ATR: variants seen among roughly 807,000 people sequenced by gnomAD.
ATR encodes serine/threonine-protein kinase ATR.
A neutral mutation model predicts 305.3 loss-of-function variants in ATR; 142 were observed. The ratio of observed to expected loss-of-function variants is 0.47; its 90% CI spans 0.41 to 0.53. The LOEUF is 0.53. ATR is among the 20% of genes least tolerant of loss of function. The probability of loss-of-function intolerance (pLI) is 0.00; values close to 1 mark genes in which losing one functional copy is unlikely to be tolerated. For missense variants in ATR, 2,135 were observed against 3,133.1 expected, an observed-to-expected ratio of 0.68 and a Z score of 7.60; for synonymous variants, 1,050 against 1,068.1, an observed-to-expected ratio of 0.98 and a Z score of 0.33.
chr3:142,486,126 T>C (rs886366312), intron 35 of ATR, among the ~76,000 whole-genome samples: 17 of 152,232 alleles, frequency 1.1e-4, no homozygotes, highest in African/African-American at 4.1e-4. Context: ...TATTAATTTT[T>C]AATATTACAT....
intron 36 of ATR, among the ~76,000 whole-genome samples, chr3:142,480,498 C>A (rs775512039): frequency 3.3e-5 from 5 of 152,208 alleles, no homozygotes; most frequent in Admixed American, 6.5e-5. Context: ...TCTGCCCCTA[C>A]TGGGGGATGC....
intron 18 of ATR, among the ~76,000 whole-genome samples, chr3:142,539,906 G>C (rs2108435469): frequency 6.6e-6 from 1 of 152,286 alleles, no homozygotes; most frequent in South Asian, 2.1e-4. Flanking sequence ...AAAATCATCA[G>C]ATGAAAGATT....
chr3:142,553,955 T>C lies in ATR; in HGVS notation c.2402A>G (p.Asp801Gly). The change falls in exon 11 of 47, where the codon GAT (aspartate) becomes GGT (glycine). Residue 801 changes from aspartate (D) to glycine (G), a missense_variant. Around this residue, in one of 9 missense-constraint regions of ATR, gnomAD observed 530 missense variants for 766.8 expected, o/e 0.69. Coordinates refer to ENST00000350721, the MANE Select transcript of ATR (RefSeq NM_001184.4). ...KHLDFREDETDVKAVLGTLLN... is the reference protein window; with the variant it reads ...KHLDFREDETGVKAVLGTLLN... Reference sequence around the variant, plus strand: ...TAAAGTTCCAAGAACTGCTTTTACATCTGTTTCATCTTCTCTAAAATCAAG... The same window carrying C: ...TAAAGTTCCAAGAACTGCTTTTACACCTGTTTCATCTTCTCTAAAATCAAG... 1 of 1,609,962 alleles carries C rather than the reference T, an allele frequency of 6.2e-7. No homozygotes were observed. The highest frequency in any genetic ancestry group is 1.1e-5 in the South Asian group (1 of 89,902).
chr3:142,505,764 CAGTT>C (rs986909420), intron 28 of ATR, among the ~76,000 whole-genome samples: 52 of 152,208 alleles, frequency 3.4e-4, no homozygotes, highest in African/African-American at 8.7e-4. Flanking sequence ...ATTTAGGAAT[CAGTT>C]AGCACAAAGA....
intron 30 of ATR, among the ~76,000 whole-genome samples, chr3:142,501,166 C>T (rs563177274): frequency 5.9e-5 from 9 of 152,252 alleles, no homozygotes; most frequent in Admixed American, 5.2e-4. Context: ...AATATTGACG[C>T]ATGCCTTTTT....
chr3:142,518,334 T>C (rs1345406697), intron 24 of ATR, among the ~76,000 whole-genome samples: 2 of 152,174 alleles, frequency 1.3e-5, no homozygotes, highest in Admixed American at 1.3e-4. Flanking sequence ...CTGGCCAATA[T>C]GATGAAACTT....
intron 36 of ATR, among the ~76,000 whole-genome samples, chr3:142,475,483 A>C (rs2071414520): frequency 6.6e-6 from 1 of 152,074 alleles, no homozygotes; most frequent in Admixed American, 6.5e-5. Flanking sequence ...ACATTTTCTT[A>C]ATCCAGTCTA....
At chr3:142,560,821 A>G (rs2034853987) in intron 5 of ATR, among the ~76,000 whole-genome samples, 1 of 152,168 alleles carries the variant, frequency 6.6e-6, no homozygotes, top group South Asian at 2.1e-4. Context: ...CGGCCTCCCA[A>G]AGTGCTGGGA....
At chr3:142,463,936 T>A (rs760583402) in intron 41 of ATR, among the ~76,000 whole-genome samples, 1 of 152,176 alleles carries the variant, frequency 6.6e-6, no homozygotes, top group Admixed American at 6.5e-5. Flanking sequence ...TTCCACAGTA[T>A]AGATCAATTT....
At chr3:142,463,676 C>A (rs146705307) in intron 41 of ATR, among the ~76,000 whole-genome samples, 1 of 152,192 alleles carries the variant, frequency 6.6e-6, no homozygotes, top group Admixed American at 6.5e-5. Flanking sequence ...TGAGCCACCA[C>A]ACCCAGCCCA....
intron 17 of ATR, among the ~76,000 whole-genome samples, chr3:142,542,175 C>A (rs993304723): frequency 3.3e-5 from 5 of 152,148 alleles, no homozygotes; most frequent in Admixed American, 3.3e-4. Context: ...ATGACCCACA[C>A]CAGACCAATC....
chr3:142,515,026 T>C (rs1486833756), intron 25 of ATR, among the ~76,000 whole-genome samples: 1 of 152,082 alleles, frequency 6.6e-6, no homozygotes, highest in Non-Finnish European at 1.5e-5. Context: ...ATAACTTCTT[T>C]TAGAAATGCT....
chr3:142,545,293 G>A (rs904847136), intron 16 of ATR, among the ~76,000 whole-genome samples: 2 of 152,136 alleles, frequency 1.3e-5, no homozygotes, highest in Admixed American at 6.5e-5. Context: ...CAAGAAATGT[G>A]GTAAGGGAGT....
At chr3:142,491,412 C>G (rs1476416710) in intron 35 of ATR, among the ~76,000 whole-genome samples, 1 of 152,172 alleles carries the variant, frequency 6.6e-6, no homozygotes, top group African/African-American at 2.4e-5. Context: ...AGTTGGTAGT[C>G]TGACAACATC....
At chr3:142,453,861 G>A (rs756802914) in intron 45 of ATR, among the ~76,000 whole-genome samples, 15 of 152,046 alleles carry the variant, frequency 9.9e-5, no homozygotes, top group East Asian at 1.9e-4. Flanking sequence ...AGTTATCTCC[G>A]TCTCTACGGC....
chr3:142,534,355 C>T (rs574442945), intron 21 of ATR, among the ~76,000 whole-genome samples: 4 of 152,086 alleles, frequency 2.6e-5, no homozygotes, highest in African/African-American at 9.6e-5. Context: ...ACTCACTGCC[C>T]CAGAAAAATG....
rs191246563 is a variant in ATR at position 142,480,603 on chromosome 3, C to T, written c.6221+4537G>A. Among the ~76,000 whole-genome samples the T allele has an allele frequency of 2.6e-5, 4 of 152,346 alleles. No individual in the cohort carries two copies. The East Asian group carries it at 5.8e-4, about 22-fold the overall frequency. ...ACTCCGTGCTGGGAGAAGCACTACT[C>T]TCTTCAAAGCTGTCAGACAGGGACA... On this transcript the variant is annotated intron_variant, in intron 36 of 46. Transcript: ENST00000350721.
At chr3:142,572,563 A>G (rs948410883) in intron 1 of ATR, among the ~76,000 whole-genome samples, 1 of 151,842 alleles carries the variant, frequency 6.6e-6, no homozygotes, top group Non-Finnish European at 1.5e-5. Flanking sequence ...GCTTGAGCTC[A>G]GGAGTTTGAG....
At chr3:142,570,639 T>C (rs2035229558) in intron 1 of ATR, among the ~76,000 whole-genome samples, 1 of 152,184 alleles carries the variant, frequency 6.6e-6, no homozygotes, top group African/African-American at 2.4e-5. Context: ...CCACCCATCT[T>C]GGCCTCCCAA....
Sources: gnomAD v4.1 joint callset for allele counts (sites outside exome capture counted in the v4.1 genomes callset) on GRCh38, gnomAD v4.1.1 for gene constraint, gnomAD v4.1.1 regional missense constraint, MANE v1.5 for transcripts, NCBI Gene and HGNC (gene_info 2026-07-23, HGNC 2026-07-21) for gene names.